LAMTOR1: variants seen among roughly 807,000 people sequenced by gnomAD.
LAMTOR1 encodes the protein ragulator complex protein LAMTOR1.
A neutral mutation model predicts 20.5 loss-of-function variants in LAMTOR1; 8 were observed. That is an observed-to-expected ratio of 0.39 (90% CI 0.23 to 0.70). LAMTOR1 has a LOEUF of 0.70. Among genes scored for constraint, LAMTOR1 ranks in the 30% least tolerant of loss-of-function variants. The pLI is 0.43. For missense variants in LAMTOR1, 135 were observed against 206.2 expected (o/e 0.65, Z 2.11); for synonymous variants, 77 against 80.9 (o/e 0.95, Z 0.26).
At chr11:72,101,848 C>T (rs1156317399) in intron 1 of LAMTOR1, among the ~76,000 whole-genome samples, 1 of 152,184 alleles carries the variant, frequency 6.6e-6, no homozygotes, top group Middle Eastern at 3.2e-3. Flanking sequence ...TGTATCCTTT[C>T]TCATACGGCA....
At chr11:72,103,129 C>A in intron 1 of LAMTOR1, 54 bp downstream of exon 1, 2 of 1,558,832 alleles carry the variant, frequency 1.3e-6, no homozygotes, top group East Asian at 2.4e-5. Context: ...TTTCTGGGCC[C>A]CATGCCCCAG....
At chr11:72,098,100 G>C in intron 4 of LAMTOR1, 186 bp from the exon 5 acceptor site, 1 of 1,006,366 alleles carries the variant, frequency 9.9e-7, no homozygotes. Flanking sequence ...AACAATAAAG[G>C]TTGCAGGAAG....
At chr11:72,102,204 G>A (rs1003588706) in intron 1 of LAMTOR1, among the ~76,000 whole-genome samples, 7 of 152,316 alleles carry the variant, frequency 4.6e-5, no homozygotes, top group African/African-American at 1.4e-4. Flanking sequence ...TTCCCCATTA[G>A]ACCGTGAGCT....
chr11:72,098,004 G>A, intron 4 of LAMTOR1, 90 bp from the exon 5 acceptor site: 4 of 1,430,568 alleles, frequency 2.8e-6, no homozygotes, highest in Non-Finnish European at 3.8e-6. Flanking sequence ...AGATGGTGAT[G>A]GAGAAGGAGG....
In LAMTOR1 at chr11:72,097,479, G is replaced by C. The variant is rs938828653; in HGVS notation, c.*343C>G. ...AGGGAGAGGGGGCAGGAGTGACTCT[G>C]AGGCCAACAGAGAGGGTGGGAAGGG... On this transcript the variant is annotated 3_prime_UTR_variant, in exon 5 of 5. Coordinates refer to ENST00000278671, the MANE Select transcript of LAMTOR1 (RefSeq NM_017907.3). The C allele has an allele frequency of 1.9e-6, 2 of 1,074,522 alleles. No homozygotes were observed. Among genetic ancestry groups the C allele is most frequent in the Admixed American group, 9.4e-5 (2 of 21,268 alleles). 66.6% of individuals were successfully genotyped at this position (1,074,522 alleles called of 1,614,324 possible).
In LAMTOR1 at chr11:72,098,434, G is replaced by T. The variant is rs1165001893; in HGVS notation, c.267-19C>A. On this transcript the variant is annotated intron_variant, in intron 3 of 4. Transcript: ENST00000278671. ...GCGGGTGCTGACCAAGAGAGAGGGG[G>T]TGGGGGTAGGCAGTTAAGCCACAGT... is the stretch of plus-strand genomic sequence containing the variant. The T allele has an allele frequency of 1.9e-6, 3 of 1,603,804 alleles. No homozygotes were observed. The highest frequency in any genetic ancestry group is 2.6e-6 in the Non-Finnish European group (3 of 1,175,656).
Position 72,097,355 on chromosome 11 carries a change from A to G in LAMTOR1, c.*467T>C. The G allele has an allele frequency of 1.0e-6, 1 of 996,218 alleles. No homozygotes were observed. The highest frequency in any genetic ancestry group is 1.2e-6 in the Non-Finnish European group (1 of 835,702). 61.7% of individuals were successfully genotyped at this position (996,218 alleles called of 1,614,324 possible). A position where few individuals can be genotyped will look rare whatever the true frequency, so the allele number is the denominator to read the frequency against. Reference sequence around the variant, plus strand: ...AAACAAAAAAAGACCAAACATGTAAAAACCCAGGGTTCTAGAAATACAAAC... The same window carrying G: ...AAACAAAAAAAGACCAAACATGTAAGAACCCAGGGTTCTAGAAATACAAAC... On this transcript the variant is annotated 3_prime_UTR_variant, in exon 5 of 5. Transcript: ENST00000278671.
At chr11:72,098,894 G>A (rs1481883267) in intron 2 of LAMTOR1, 36 bp from the exon 3 acceptor site, 1 of 1,506,256 alleles carries the variant, frequency 6.6e-7, no homozygotes, top group Non-Finnish European at 8.9e-7. Flanking sequence ...CATGACAGGT[G>A]CTTCCGAGAA....
Position 72,103,206 on chromosome 11 carries a change from T to C in LAMTOR1, c.19A>G (p.Ser7Gly), listed in dbSNP as rs747541875. Residue 7 changes from serine to glycine, a missense_variant, in exon 1 of 5, where the codon AGC becomes GGC. Coordinates refer to ENST00000278671, the MANE Select transcript of LAMTOR1 (RefSeq NM_017907.3). MGCCYS[S>G]ENEDSDQDRE... is the part of the protein sequence containing the mutation. The stretch of plus-strand genomic sequence containing the variant: ...ACCTGGTCCGAGTCCTCGTTCTCGC[T>C]GCTGTAGCAGCACCCCATGGCCGGG... 1 of 1,579,668 alleles carries C rather than the reference T, an allele frequency of 6.3e-7. No individual in the cohort carries two copies. The highest frequency in any genetic ancestry group is 2.3e-5 in the East Asian group (1 of 43,036).
Position 72,098,770 on chromosome 11 carries a change from C to T in LAMTOR1, c.266+11G>A. The T allele has an allele frequency of 6.5e-7, 1 of 1,536,830 alleles. No individual in the cohort carries two copies. Among genetic ancestry groups the T allele is most frequent in the East Asian group, 2.5e-5 (1 of 40,742 alleles). Reference sequence around the variant, plus strand: ...AGTAGCCTGAGGGACCCACGCTGGCCAGGTGCTCACCTGTACTGCCTGGCA... The same window carrying T: ...AGTAGCCTGAGGGACCCACGCTGGCTAGGTGCTCACCTGTACTGCCTGGCA... On this transcript the variant is annotated intron_variant, in intron 3 of 4. Coordinates refer to ENST00000278671, the MANE Select transcript of LAMTOR1 (RefSeq NM_017907.3).
rs547797668 is a variant in LAMTOR1 at position 72,098,210 on chromosome 11, G to T, written c.393+79C>A. On this transcript the variant is annotated intron_variant, in intron 4 of 4. Coordinates refer to ENST00000278671, the MANE Select transcript of LAMTOR1 (RefSeq NM_017907.3). ...TAACTCCACCTTCCCTACCTCCTCT[G>T]AGGCAGAGTGGGTGAACCCTCTGCC... is the stretch of plus-strand genomic sequence containing the variant. The T allele has an allele frequency of 7.8e-4, 1,230 of 1,568,992 alleles. 25 individuals carry two copies. In the South Asian group the frequency reaches 0.013, roughly 17 times the overall value.
rs750890146 is a variant in LAMTOR1 at position 72,097,771 on chromosome 11, G to C, written c.*51C>G. ...AGTGAGGCTGGGGGCCAAGGGGGTG[G>C]GGTAGAGATGGGATGAAGAGAGGAG... On this transcript the variant is annotated 3_prime_UTR_variant, in exon 5 of 5. Coordinates refer to ENST00000278671, the MANE Select transcript of LAMTOR1 (RefSeq NM_017907.3). The C allele has an allele frequency of 6.2e-6, 10 of 1,613,554 alleles. No individual in the cohort carries two copies. The African/African-American group carries it at 1.3e-4, about 22-fold the overall frequency.
At chr11:72,098,690 C>A in intron 3 of LAMTOR1, 91 bp downstream of exon 3, 1 of 1,004,036 alleles carries the variant, frequency 1.0e-6, no homozygotes, top group Non-Finnish European at 1.4e-6. Flanking sequence ...AAATGAGAAG[C>A]TTGGACTAGG....
intron 1 of LAMTOR1, chr11:72,100,683 T>A (rs1196219083): frequency 6.6e-6 from 1 of 152,622 alleles, no homozygotes; most frequent in Non-Finnish European, 1.5e-5. Flanking sequence ...CTATCTCAGT[T>A]CCTCAGTCTT....
In LAMTOR1 at chr11:72,097,389, T is replaced by C. The variant is rs1274666568; in HGVS notation, c.*433A>G. The C allele has an allele frequency of 1.0e-6, 1 of 999,588 alleles. No individual in the cohort carries two copies. The highest frequency in any genetic ancestry group is 5.4e-5 in the Admixed American group (1 of 18,396). The allele number at this position is 999,588 out of a possible 1,614,324, so 61.9% of individuals were successfully genotyped here. A position where few individuals can be genotyped will look rare whatever the true frequency, so the allele number is the denominator to read the frequency against. On this transcript the variant is annotated 3_prime_UTR_variant, in exon 5 of 5. Transcript: ENST00000278671. ...GTTCTAGAAATACAAACTCAATTCA[T>C]TCAAATTCAAGCTCATCCAGACCCT...
Position 72,099,221 on chromosome 11 carries a change from G to A in LAMTOR1, c.78C>T (p.Ser26=), listed in dbSNP as rs756295078. ...CATTGAGAGCTTTGGTAGGGGGGCT[G>A]CTAGGGTCCAGCAGCAGCTTCCGCT... ...REERKLLLDP[S]SPPTKALNGA... is the part of the protein sequence containing the mutation. The change falls in exon 2 of 5, where the codon AGC becomes AGT. Residue 26 remains serine, a synonymous_variant. Transcript: ENST00000278671. 2 of 1,603,752 alleles carry A rather than the reference G, an allele frequency of 1.2e-6. No individual in the cohort carries two copies. Among genetic ancestry groups the A allele is most frequent in the Non-Finnish European group, 1.7e-6 (2 of 1,173,704 alleles).
Position 72,097,760 on chromosome 11 carries a change from C to T in LAMTOR1, c.*62G>A. ...GTATAAGCCGCAGTGAGGCTGGGGGCCAAGGGGGTGGGGTAGAGATGGGAT... is the reference window on the plus strand; with the variant it reads ...GTATAAGCCGCAGTGAGGCTGGGGGTCAAGGGGGTGGGGTAGAGATGGGAT... On this transcript the variant is annotated 3_prime_UTR_variant, in exon 5 of 5. Coordinates refer to ENST00000278671, the MANE Select transcript of LAMTOR1 (RefSeq NM_017907.3). The T allele has an allele frequency of 6.2e-7, 1 of 1,613,066 alleles. No individual in the cohort carries two copies. The highest frequency in any genetic ancestry group is 1.7e-5 in the Admixed American group (1 of 59,988).
Position 72,103,173 on chromosome 11 carries a change from G to A in LAMTOR1, c.42+10C>T. On this transcript the variant is annotated intron_variant, in intron 1 of 4. Coordinates refer to ENST00000278671, the MANE Select transcript of LAMTOR1 (RefSeq NM_017907.3). ...CCCTCATTCCCGAGCCCCGCCTGCC[G>A]CGGCCGCACCTGGTCCGAGTCCTCG... 3.2e-6 allele frequency: 5 copies of A among 1,584,396 alleles called. No homozygotes were observed. The South Asian group carries it at 4.7e-5, about 15-fold the overall frequency.
At chr11:72,101,804 C>T (rs553007258) in intron 1 of LAMTOR1, among the ~76,000 whole-genome samples, 1 of 152,238 alleles carries the variant, frequency 6.6e-6, no homozygotes, top group East Asian at 1.9e-4. Context: ...TTCAGGAGAG[C>T]AGCAGGCCCA....
Sources: allele counts gnomAD v4.1 joint callset (sites outside exome capture counted in the v4.1 genomes callset), GRCh38; gene constraint gnomAD v4.1.1; transcripts MANE v1.5; gene names NCBI Gene and HGNC (gene_info 2026-07-23, HGNC 2026-07-21).